The following WSCD2 variants were observed in gnomAD, a reference collection of about 807,000 sequenced individuals.
The protein encoded by WSCD2 is WSC domain sialate O sulfotransferase 2.
In WSCD2, 28 loss-of-function variants were observed where a neutral mutation model predicts 55.7. That is an observed-to-expected ratio of 0.50 (90% confidence interval 0.37 to 0.69). WSCD2 has a LOEUF of 0.69. Among genes scored for constraint, WSCD2 ranks in the 30% least tolerant of loss-of-function variants. The pLI is 0.00. For missense variants in WSCD2, 616 were observed against 762.1 expected (o/e 0.81, Z 2.26); for synonymous variants, 301 against 301.9 (o/e 1.00, Z 0.03).
chr12:108,157,910 T>C (rs1005040144), intron 1 of WSCD2, among the ~76,000 whole-genome samples: 27 of 152,170 alleles, frequency 1.8e-4, no homozygotes, highest in African/African-American at 5.1e-4. Context: ...GAGAGAAAAA[T>C]TTAGGGAAAT....
intron 4 of WSCD2, among the ~76,000 whole-genome samples, chr12:108,222,452 G>A (rs1887631807): frequency 6.6e-6 from 1 of 152,204 alleles, no homozygotes; most frequent in Admixed American, 6.5e-5. Context: ...TTTCTGAAGT[G>A]CTCAGCAGAG....
chr12:108,181,307 G>A (rs1037797213), intron 1 of WSCD2, among the ~76,000 whole-genome samples: 10 of 152,106 alleles, frequency 6.6e-5, no homozygotes, highest in Admixed American at 6.5e-4. Flanking sequence ...TGTGTGGGGG[G>A]TGTTCATCTA....
rs76856329 is a variant in WSCD2 at position 108,214,945 on chromosome 12, T to A, written c.682+4640T>A. Among the ~76,000 whole-genome samples, 373 of 152,376 alleles carry A rather than the reference T, an allele frequency of 2.4e-3. 2 individuals are homozygous for A. Among genetic ancestry groups the A allele is most frequent in the African/African-American group, 8.6e-3 (356 of 41,590 alleles). Reference sequence around the variant, plus strand: ...TTTTGTGCAGTGCTTTGCTTTATGTTCACTGATACTCCATTCCAACTACTT... The same window carrying A: ...TTTTGTGCAGTGCTTTGCTTTATGTACACTGATACTCCATTCCAACTACTT... On this transcript the variant is annotated intron_variant, in intron 4 of 8. Coordinates refer to ENST00000547525, the MANE Select transcript of WSCD2 (RefSeq NM_014653.4).
chr12:108,232,681 G>T, intron 6 of WSCD2, 50 bp from the exon 7 acceptor site: 2 of 1,542,048 alleles, frequency 1.3e-6, no homozygotes, highest in Non-Finnish European at 1.8e-6. Context: ...TTTCAGACAG[G>T]CTCCATCTGC....
rs1413740873 is a variant in WSCD2 at position 108,232,857 on chromosome 12, C to A, written c.1106C>A (p.Thr369Asn). ...ATTGAATTGGCCACAGGCTTCTACACTGGCAGCTACTACTTCGATGGCTCC... is the reference window on the plus strand; with the variant it reads ...ATTGAATTGGCCACAGGCTTCTACAATGGCAGCTACTACTTCGATGGCTCC... Reference protein sequence around the residue: ...HLIELATGFYTGSYYFDGSLY... With the variant: ...HLIELATGFYNGSYYFDGSLY... Residue 369 changes from threonine to asparagine, a missense_variant, in exon 7 of 9, where the codon ACT becomes AAT. By Grantham distance (65) the Thr-to-Asn change is moderately conservative. This residue lies in a region of WSCD2 where 234 missense variants were observed against 264.6 expected (regional missense o/e 0.88). Coordinates refer to ENST00000547525, the MANE Select transcript of WSCD2 (RefSeq NM_014653.4). 6.2e-7 allele frequency: 1 copy of A among 1,613,880 alleles called. No homozygotes were observed. The highest frequency in any genetic ancestry group is 8.5e-7 in the Non-Finnish European group (1 of 1,179,806).
At chr12:108,199,325 A>G (rs1884360144) in intron 2 of WSCD2, among the ~76,000 whole-genome samples, 1 of 152,206 alleles carries the variant, frequency 6.6e-6, no homozygotes, top group African/African-American at 2.4e-5. Context: ...AGAGCCCATC[A>G]TGGCCCGGGA....
chr12:108,217,834 T>C (rs1012084457), intron 4 of WSCD2, among the ~76,000 whole-genome samples: 5 of 152,168 alleles, frequency 3.3e-5, no homozygotes, highest in Non-Finnish European at 7.3e-5. Flanking sequence ...TTCACCTTAC[T>C]TGGTATTCAG....
chr12:108,243,523 C>T (rs958683157), intron 8 of WSCD2, among the ~76,000 whole-genome samples: 4 of 152,164 alleles, frequency 2.6e-5, no homozygotes, highest in Admixed American at 1.3e-4. Context: ...CGTGAGCCAC[C>T]GCGCCCAGCC....
At chr12:108,232,704 C>G in intron 6 of WSCD2, 27 bp from the exon 7 acceptor site, 1 of 1,587,964 alleles carries the variant, frequency 6.3e-7, no homozygotes, top group Non-Finnish European at 8.6e-7. Flanking sequence ...CTGGTGTTGA[C>G]CTCTGTCCAT....
At chr12:108,183,283 G>A (rs1882037875) in intron 1 of WSCD2, among the ~76,000 whole-genome samples, 1 of 152,190 alleles carries the variant, frequency 6.6e-6, no homozygotes, top group South Asian at 2.1e-4. Flanking sequence ...ATGTATCTCA[G>A]GCAGGTCCCA....
intron 4 of WSCD2, among the ~76,000 whole-genome samples, chr12:108,212,579 TC>T (rs1200061352): frequency 1.4e-5 from 2 of 144,790 alleles, no homozygotes; most frequent in African/African-American, 2.6e-5. Flanking sequence ...CCGCTGTCTC[TC>T]CACCCCCATT....
chr12:108,190,129 C>T (rs1167745794), intron 1 of WSCD2, among the ~76,000 whole-genome samples: 1 of 152,060 alleles, frequency 6.6e-6, no homozygotes, highest in Non-Finnish European at 1.5e-5. Context: ...AGTTAATGAC[C>T]ACCTCAAAGA....
intron 1 of WSCD2, among the ~76,000 whole-genome samples, chr12:108,138,300 G>A (rs768505036): frequency 3.9e-5 from 6 of 152,182 alleles, no homozygotes; most frequent in Non-Finnish European, 8.8e-5. Context: ...AAAAAAATAC[G>A]ATGGCATCTT....
chr12:108,217,240 C>T (rs1421578290), intron 4 of WSCD2, among the ~76,000 whole-genome samples: 3 of 152,198 alleles, frequency 2.0e-5, no homozygotes, highest in Admixed American at 6.5e-5. Context: ...CCTCGGGACA[C>T]CAGAGCCTTT....
At chr12:108,215,086 C>G (rs1187591140) in intron 4 of WSCD2, among the ~76,000 whole-genome samples, 1 of 152,206 alleles carries the variant, frequency 6.6e-6, no homozygotes, top group African/African-American at 2.4e-5. Flanking sequence ...TGCTGTAGGT[C>G]TGGGAGCCCT....
At chr12:108,228,878 G>A (rs945254962) in intron 6 of WSCD2, among the ~76,000 whole-genome samples, 4 of 152,280 alleles carry the variant, frequency 2.6e-5, no homozygotes, top group African/African-American at 9.6e-5. Flanking sequence ...GGGGAAGGAT[G>A]GGTTTTTGTT....
intron 8 of WSCD2, chr12:108,244,561 T>C (rs1488427886): frequency 1.0e-5 from 7 of 702,912 alleles, no homozygotes; most frequent in Non-Finnish European, 1.8e-5. Flanking sequence ...TTTCGCTCGA[T>C]TTGCACAGCA....
intron 1 of WSCD2, among the ~76,000 whole-genome samples, chr12:108,138,079 T>G (rs1483847962): frequency 6.6e-6 from 1 of 152,196 alleles, no homozygotes; most frequent in African/African-American, 2.4e-5. Context: ...CTGTGCATGG[T>G]AGAAGGAACA....
At chr12:108,186,957 A>G (rs1412111189) in intron 1 of WSCD2, among the ~76,000 whole-genome samples, 1 of 152,022 alleles carries the variant, frequency 6.6e-6, no homozygotes, top group African/African-American at 2.4e-5. Flanking sequence ...GTCTCGGTTC[A>G]GTGTCTCTTC....
Sources: gnomAD v4.1 joint callset for allele counts (sites outside exome capture counted in the v4.1 genomes callset) on GRCh38, gnomAD v4.1.1 for gene constraint, gnomAD v4.1.1 regional missense constraint, MANE v1.5 for transcripts, NCBI Gene and HGNC (gene_info 2026-07-23, HGNC 2026-07-21) for gene names.